Variants in SUGCT observed in about 807,000 individuals in gnomAD.
SUGCT encodes the protein succinyl-CoA:glutarate-CoA transferase.
In SUGCT, 41 loss-of-function variants were observed where a neutral mutation model predicts 55.0. That is an observed-to-expected ratio of 0.74 (90% CI 0.58 to 0.97). The LOEUF (loss-of-function observed/expected upper bound fraction) is 0.97, where lower values mean the gene tolerates loss of function less well. Ranked by LOEUF, SUGCT falls within the 50% of genes least tolerant of loss-of-function variation. The pLI is 0.00. For synonymous variants in SUGCT, 187 were observed against 200.4 expected (o/e 0.93, Z 0.56); for missense variants, 568 against 547.8 (o/e 1.04, Z -0.37).
intron 7 of SUGCT, among the ~76,000 whole-genome samples, chr7:40,255,660 C>CA (rs70996898): frequency 0.24 from 13,306 of 54,350 alleles, 2,934 homozygotes; most frequent in African/African-American, 0.28. Flanking sequence ...GACTCTGTAT[C>CA]AAAAAAAAAA....
At chr7:40,367,583 G>T (rs143053393) in intron 9 of SUGCT, among the ~76,000 whole-genome samples, 4 of 151,806 alleles carry the variant, frequency 2.6e-5, no homozygotes, top group African/African-American at 7.2e-5. Flanking sequence ...TTTTACTTCC[G>T]TAAAAGGAAA....
intron 12 of SUGCT, among the ~76,000 whole-genome samples, chr7:40,505,806 G>T (rs1792558534): frequency 6.6e-6 from 1 of 151,906 alleles, no homozygotes; most frequent in Non-Finnish European, 1.5e-5. Flanking sequence ...GATAATATTT[G>T]TTATAGTAAT....
the SUGCT span, among the ~76,000 whole-genome samples, chr7:40,886,276 G>A: frequency 1.3e-5 from 2 of 152,156 alleles, no homozygotes; most frequent in Non-Finnish European, 2.9e-5. Flanking sequence ...TAGGTACTAT[G>A]TTAGATAAGA....
intron 10 of SUGCT, among the ~76,000 whole-genome samples, chr7:40,450,235 C>CT (rs113379525): frequency 1.8e-3 from 270 of 151,400 alleles, no homozygotes; most frequent in African/African-American, 5.7e-3. Flanking sequence ...GCCTACTAGA[C>CT]TTTTTTTTTC....
chr7:40,827,830 C>CA (rs1792417987), intron 13 of SUGCT, among the ~76,000 whole-genome samples: 1 of 152,078 alleles, frequency 6.6e-6, no homozygotes, highest in Admixed American at 6.6e-5. Flanking sequence ...AAAACTCCCC[C>CA]ACACCATGGA....
intron 9 of SUGCT, among the ~76,000 whole-genome samples, chr7:40,365,558 A>G (rs1282895237): frequency 6.6e-6 from 1 of 152,208 alleles, no homozygotes; most frequent in Non-Finnish European, 1.5e-5. Flanking sequence ...AAGCAACTTC[A>G]GCAAAGTCTC....
At chr7:40,386,590 C>T (rs1785140371) in intron 9 of SUGCT, among the ~76,000 whole-genome samples, 1 of 152,196 alleles carries the variant, frequency 6.6e-6, no homozygotes, top group South Asian at 2.1e-4. Context: ...ATGTTTTTAG[C>T]ATCCATGACT....
chr7:40,522,357 TAA>T (rs1793579009), intron 12 of SUGCT, among the ~76,000 whole-genome samples: 1 of 152,164 alleles, frequency 6.6e-6, no homozygotes, highest in African/African-American at 2.4e-5. Context: ...TCTAAGTTTC[TAA>T]GTTATTAATT....
chr7:40,410,415 G>C (rs193032963), intron 9 of SUGCT, among the ~76,000 whole-genome samples: 1 of 152,098 alleles, frequency 6.6e-6, no homozygotes, highest in South Asian at 2.1e-4. Flanking sequence ...TCTTCCTTCA[G>C]CTTCCAGATT....
At chr7:40,992,930 T>TG in the SUGCT span, among the ~76,000 whole-genome samples, 9 of 152,074 alleles carry the variant, frequency 5.9e-5, no homozygotes, top group Non-Finnish European at 1.2e-4. Context: ...CACAGTTATG[T>TG]GGGGAGGGGA....
chr7:40,966,110 C>G, the SUGCT span: 2 of 152,188 alleles, frequency 1.3e-5, no homozygotes, highest in Admixed American at 1.3e-4. Flanking sequence ...ATTAGTAAGA[C>G]AAAGGTTGAA....
At chr7:40,871,407 T>C in the SUGCT span, among the ~76,000 whole-genome samples, 2 of 152,124 alleles carry the variant, frequency 1.3e-5, no homozygotes, top group Admixed American at 1.3e-4. Flanking sequence ...ACCAGACATG[T>C]GAGTGAAGCT....
At chr7:40,456,813 C>A (rs1470560889) in intron 10 of SUGCT, among the ~76,000 whole-genome samples, 3 of 152,082 alleles carry the variant, frequency 2.0e-5, no homozygotes, top group African/African-American at 4.8e-5. Flanking sequence ...TGTTTCTGGT[C>A]CAGCAAGAAG....
In SUGCT at chr7:40,352,446, A is replaced by G. The variant is rs564086195; in HGVS notation, c.816+35591A>G. Among the ~76,000 whole-genome samples, 13 of 151,876 alleles carry G rather than the reference A, an allele frequency of 8.6e-5. No individual in the cohort carries two copies. In the East Asian group the frequency reaches 9.7e-4, roughly 11 times the overall value. ...CAGGTACCCAATAGGTATTTTTTCA[A>G]TCCTCTCCCTCCTCCTTCCCTCTAC... is the stretch of plus-strand genomic sequence containing the variant. On this transcript the variant is annotated intron_variant, in intron 9 of 13. Transcript: ENST00000335693.
At chr7:41,013,073 A>G in the SUGCT span, among the ~76,000 whole-genome samples, 9 of 151,340 alleles carry the variant, frequency 5.9e-5, no homozygotes, top group African/African-American at 1.9e-4. Context: ...TGCATATACA[A>G]TTTTTTAAAT....
the SUGCT span, among the ~76,000 whole-genome samples, chr7:41,001,409 T>C: frequency 6.6e-6 from 1 of 152,210 alleles, no homozygotes; most frequent in Non-Finnish European, 1.5e-5. Context: ...AGAAGTCTTG[T>C]TGGAATGAGT....
At chr7:40,567,073 G>A (rs1207327516) in intron 12 of SUGCT, among the ~76,000 whole-genome samples, 1 of 152,226 alleles carries the variant, frequency 6.6e-6, no homozygotes, top group African/African-American at 2.4e-5. Flanking sequence ...TCTCCTTGCT[G>A]TATCTGAGAT....
At chr7:40,885,851 G>A in the SUGCT span, among the ~76,000 whole-genome samples, 1 of 152,178 alleles carries the variant, frequency 6.6e-6, no homozygotes, top group Non-Finnish European at 1.5e-5. Context: ...TAGGCCAAGG[G>A]TGGGGATGAG....
intron 1 of SUGCT, among the ~76,000 whole-genome samples, chr7:40,180,052 G>C (rs765759330): frequency 6.6e-6 from 1 of 152,060 alleles, no homozygotes; most frequent in Non-Finnish European, 1.5e-5. Context: ...GGTTTTCCAT[G>C]TAAGTATGCT....
Sources: gnomAD v4.1 joint callset for allele counts (sites outside exome capture counted in the v4.1 genomes callset) on GRCh38, gnomAD v4.1.1 for gene constraint, MANE v1.5 for transcripts, NCBI Gene and HGNC (gene_info 2026-07-23, HGNC 2026-07-21) for gene names.